The following TRIM36 variants were observed in gnomAD, a reference collection of about 807,000 sequenced individuals.
TRIM36 encodes the protein tripartite motif containing 36, also known as E3 ubiquitin-protein ligase TRIM36.
Under a neutral mutation model 72.4 loss-of-function variants are expected in TRIM36, and 42 were observed. That is an observed-to-expected ratio of 0.58 (90% CI 0.45 to 0.75). The LOEUF (loss-of-function observed/expected upper bound fraction) is 0.75. TRIM36 is among the 30% of genes least tolerant of loss of function. The pLI, the probability that TRIM36 is intolerant of heterozygous loss-of-function variation, is 0.00. For synonymous variants in TRIM36, 315 were observed against 282.8 expected, an observed-to-expected ratio of 1.11 and a Z score of -1.14; for missense variants, 913 against 857.1, an observed-to-expected ratio of 1.07 and a Z score of -0.81.
chr5:115,162,136 A>G, intron 2 of TRIM36, among the ~76,000 whole-genome samples: 1 of 152,198 alleles, frequency 6.6e-6, no homozygotes, highest in East Asian at 1.9e-4. Flanking sequence ...CATATTCTGC[A>G]GTCACCCCTT....
intron 4 of TRIM36, among the ~76,000 whole-genome samples, chr5:115,144,142 G>A (rs1472887261): frequency 1.3e-5 from 2 of 152,086 alleles, no homozygotes; most frequent in Non-Finnish European, 2.9e-5. Context: ...CCAAAGAGCT[G>A]GGATTACAGG....
chr5:115,144,802 A>G (rs1054694359), intron 3 of TRIM36, 58 bp from the exon 4 acceptor site: 15 of 1,516,418 alleles, frequency 9.9e-6, no homozygotes, highest in Non-Finnish European at 1.2e-5. Context: ...AATCTAACAA[A>G]TTACCAAAAT....
intron 1 of TRIM36, among the ~76,000 whole-genome samples, chr5:115,169,270 G>A (rs1754960432): frequency 6.6e-6 from 1 of 152,236 alleles, no homozygotes; most frequent in African/African-American, 2.4e-5. Context: ...CTTTCTGCCC[G>A]CACCCGACTC....
At chr5:115,179,091 C>T (rs1755482088) in intron 1 of TRIM36, among the ~76,000 whole-genome samples, 2 of 152,204 alleles carry the variant, frequency 1.3e-5, no homozygotes, top group African/African-American at 4.8e-5. Flanking sequence ...AGGGCAAACG[C>T]TGACGCCCTT....
rs759529085 is a variant in TRIM36, at chr5:115,130,683, C to T, written c.1705G>A (p.Glu569Lys). The T allele has an allele frequency of 6.2e-7, 1 of 1,614,026 alleles. No homozygotes were observed. The highest frequency in any genetic ancestry group is 1.3e-5 in the African/African-American group (1 of 74,924). ...KGKHFWAFRV[E>K]PYSYLVKVGV... ...ACTTTTACCAGGTATGAATATGGTT[C>T]CACACGGAAGGCCCAGAAGTGTTTT... The change falls in exon 9 of 10, where the codon GAA becomes AAA. Residue 569 changes from glutamate (E) to lysine (K), a missense_variant. By Grantham distance (56) the Glu-to-Lys change is moderately conservative. Coordinates refer to ENST00000513154, the MANE Select transcript of TRIM36 (RefSeq NM_001300759.2).
chr5:115,175,705 A>G (rs976520879), intron 1 of TRIM36, among the ~76,000 whole-genome samples: 2 of 151,772 alleles, frequency 1.3e-5, no homozygotes, highest in African/African-American at 4.9e-5. Flanking sequence ...GAGGAAAATT[A>G]TATTTATGAA....
chr5:115,128,548 C>G (rs1580632952), intron 9 of TRIM36, among the ~76,000 whole-genome samples: 1 of 147,904 alleles, frequency 6.8e-6, no homozygotes. Flanking sequence ...GTCAGGAGAT[C>G]GAGACCATCC....
chr5:115,173,110 T>C (rs1755188315), upstream of TRIM36, among the ~76,000 whole-genome samples: 1 of 152,364 alleles, frequency 6.6e-6, no homozygotes, highest in East Asian at 1.9e-4. Context: ...GTGCTTTGTG[T>C]CAAGTCATCA....
chr5:115,178,559 G>T (rs1243573116), intron 1 of TRIM36, among the ~76,000 whole-genome samples: 1 of 152,146 alleles, frequency 6.6e-6, no homozygotes, highest in East Asian at 1.9e-4. Flanking sequence ...TGCACCCTAG[G>T]CCCGAAGGGT....
chr5:115,134,202 G>C (rs1752841791), intron 7 of TRIM36, 55 bp from the exon 8 acceptor site: 2 of 1,451,752 alleles, frequency 1.4e-6, no homozygotes, highest in Non-Finnish European at 1.8e-6. Context: ...TTGAAAACCA[G>C]TGTTTTTCCT....
intron 4 of TRIM36, among the ~76,000 whole-genome samples, chr5:115,142,992 A>G (rs1037435972): frequency 3.9e-5 from 6 of 152,162 alleles, no homozygotes; most frequent in Admixed American, 3.3e-4. Flanking sequence ...GCCATAGGTT[A>G]TAAGGCATGT....
rs185636084 is a variant in TRIM36 at position 115,163,020 on chromosome 5, C to T, written c.262+498G>A. 2.6e-4 allele frequency among the ~76,000 whole-genome samples: 40 copies of T among 151,120 alleles called. No individual in the cohort carries two copies. The East Asian group carries it at 3.3e-3, about 12-fold the overall frequency. On this transcript the variant is annotated intron_variant, in intron 2 of 9. Coordinates refer to ENST00000513154, the MANE Select transcript of TRIM36 (RefSeq NM_001300759.2). ...TTGCCCAGGCTGGAGTGCAATGGCGCGATCTCGGCTCACTGCAACCTCCGC... is the reference window on the plus strand; with the variant it reads ...TTGCCCAGGCTGGAGTGCAATGGCGTGATCTCGGCTCACTGCAACCTCCGC...
At chr5:115,177,382 A>T in intron 1 of TRIM36, 1 of 308,930 alleles carries the variant, frequency 3.2e-6, no homozygotes, top group Non-Finnish European at 5.0e-6. Context: ...CTCAACTTTG[A>T]GGGATGGTGG....
Position 115,160,946 on chromosome 5 carries a change from G to A in TRIM36, c.262+2572C>T, listed in dbSNP as rs532231819. On this transcript the variant is annotated intron_variant, in intron 2 of 9. Transcript: ENST00000513154. Reference sequence around the variant, plus strand: ...ACCAAAAAAAGAATTATATGCAAATGCCCAATAAATAGATGGCAAGTAACA... The same window carrying A: ...ACCAAAAAAAGAATTATATGCAAATACCCAATAAATAGATGGCAAGTAACA... 5.9e-5 allele frequency among the ~76,000 whole-genome samples: 9 copies of A among 152,278 alleles called. No homozygotes were observed. In the East Asian group the frequency reaches 1.7e-3, roughly 29 times the overall value.
In TRIM36 at chr5:115,133,979, C is replaced by A; in HGVS notation, c.1379G>T (p.Ser460Ile). 1 of 1,613,930 alleles carries A rather than the reference C, an allele frequency of 6.2e-7. No individual in the cohort carries two copies. Among genetic ancestry groups the A allele is most frequent in the Non-Finnish European group, 8.5e-7 (1 of 1,179,912 alleles). Residue 460 changes from serine to isoleucine, a missense_variant, in exon 8 of 10, where the codon AGT becomes ATT. By Grantham distance (142) the Ser-to-Ile change is moderately radical. Transcript: ENST00000513154. Reference sequence around the variant, plus strand: ...GTTTTCCAAGTCTTGAATTATTTTACTTGTTCCACACACTTCTATCTCATT... The same window carrying A: ...GTTTTCCAAGTCTTGAATTATTTTAATTGTTCCACACACTTCTATCTCATT... ...SWNEIEVCGT[S>I]KIIQDLENSS...
intron 2 of TRIM36, among the ~76,000 whole-genome samples, chr5:115,149,988 T>C (rs1054135224): frequency 1.4e-4 from 22 of 152,320 alleles, no homozygotes; most frequent in South Asian, 4.1e-4. Flanking sequence ...CTCGATCTCC[T>C]GACCTCGTGA....
At chr5:115,155,966 C>T (rs1754156961) in intron 2 of TRIM36, among the ~76,000 whole-genome samples, 1 of 152,150 alleles carries the variant, frequency 6.6e-6, no homozygotes, top group African/African-American at 2.4e-5. Flanking sequence ...TTTCAGGATA[C>T]AATACTAATG....
At chr5:115,161,548 T>C (rs970604064) in intron 2 of TRIM36, among the ~76,000 whole-genome samples, 6 of 152,218 alleles carry the variant, frequency 3.9e-5, no homozygotes, top group Non-Finnish European at 8.8e-5. Context: ...TTAAATAATC[T>C]GAATTGAAAA....
At chr5:115,144,773 A>T in intron 3 of TRIM36, 29 bp from the exon 4 acceptor site, 1 of 1,589,682 alleles carries the variant, frequency 6.3e-7, no homozygotes, top group South Asian at 1.2e-5. Context: ...AAGTGTGATT[A>T]AGGATCTAGG....
Sources: gnomAD v4.1 joint callset for allele counts (sites outside exome capture counted in the v4.1 genomes callset) on GRCh38, gnomAD v4.1.1 for gene constraint, MANE v1.5 for transcripts, NCBI Gene and HGNC (gene_info 2026-07-23, HGNC 2026-07-21) for gene names.